FHOD3: variants seen among roughly 807,000 people sequenced by gnomAD.
FHOD3 encodes FH1/FH2 domain-containing protein 3.
In FHOD3, 90 loss-of-function variants were observed where a neutral mutation model predicts 173.0. The ratio of observed to expected loss-of-function variants is 0.52; its 90% confidence interval spans 0.44 to 0.62. The LOEUF (loss-of-function observed/expected upper bound fraction) is 0.62, where lower values mean the gene tolerates loss of function less well. Ranked by LOEUF, FHOD3 falls within the 20% of genes least tolerant of loss-of-function variation. The pLI, the probability that FHOD3 is intolerant of heterozygous loss-of-function variation, is 0.00. For missense variants in FHOD3, 1,945 were observed against 2,034.7 expected (o/e 0.96, Z 0.85); for synonymous variants, 828 against 823.0 (o/e 1.01, Z -0.10).
chr18:36,397,237 G>A (rs2048596286), intron 3 of FHOD3, among the ~76,000 whole-genome samples: 2 of 152,162 alleles, frequency 1.3e-5, no homozygotes, highest in South Asian at 4.1e-4. Context: ...ATATCTGCTG[G>A]TTATTTTGGC....
At chr18:36,420,553 G>A (rs2049934049) in intron 3 of FHOD3, among the ~76,000 whole-genome samples, 1 of 152,196 alleles carries the variant, frequency 6.6e-6, no homozygotes, top group South Asian at 2.1e-4. Context: ...TTTGCATATG[G>A]CTAGCCCTTG....
intron 9 of FHOD3, among the ~76,000 whole-genome samples, chr18:36,622,138 A>G (rs1183301016): frequency 6.6e-6 from 1 of 152,234 alleles, no homozygotes. Context: ...AAATAGACTC[A>G]CAGAAGCAGA....
chr18:36,350,214 T>C (rs1424173626), intron 1 of FHOD3, among the ~76,000 whole-genome samples: 2 of 152,194 alleles, frequency 1.3e-5, no homozygotes, highest in Admixed American at 6.5e-5. Context: ...TATTGGTGTG[T>C]TTTATCCCAG....
chr18:36,718,771 T>C lies in FHOD3; in HGVS notation c.3417+56T>C. 2.6e-6 allele frequency: 4 copies of C among 1,555,048 alleles called. No individual in the cohort carries two copies. The South Asian group carries it at 3.7e-5, about 14-fold the overall frequency. ...TGGAAGTTGGGTAGGGCTGAAGAGA[T>C]TCGTTCTGTATAAAATACTATTTTG... On this transcript the variant is annotated intron_variant, in intron 19 of 28. Coordinates refer to ENST00000590592, the MANE Select transcript of FHOD3 (RefSeq NM_001281740.3).
chr18:36,772,010 A>G (rs981664954), intron 28 of FHOD3, among the ~76,000 whole-genome samples: 4 of 152,244 alleles, frequency 2.6e-5, no homozygotes, highest in Non-Finnish European at 5.9e-5. Context: ...ACTGGGCACA[A>G]TAACGCGGTC....
At chr18:36,624,513 A>G (rs1599925236) in intron 9 of FHOD3, among the ~76,000 whole-genome samples, 3 of 152,312 alleles carry the variant, frequency 2.0e-5, no homozygotes, top group African/African-American at 7.2e-5. Context: ...GATAAGGAGC[A>G]GAGCTGGGTG....
At chr18:36,355,190 G>T (rs941184783) in intron 1 of FHOD3, among the ~76,000 whole-genome samples, 4 of 152,076 alleles carry the variant, frequency 2.6e-5, no homozygotes, top group African/African-American at 9.7e-5. Flanking sequence ...TCAATCCATG[G>T]TCACAGCAGC....
At chr18:36,492,401 GA>G (rs976906445) in intron 3 of FHOD3, among the ~76,000 whole-genome samples, 2 of 151,978 alleles carry the variant, frequency 1.3e-5, no homozygotes, top group African/African-American at 4.8e-5. Context: ...AAATTTTATG[GA>G]AAAAAGTATT....
intron 3 of FHOD3, among the ~76,000 whole-genome samples, chr18:36,411,026 A>G (rs1001416966): frequency 2.6e-5 from 4 of 152,118 alleles, no homozygotes; most frequent in Non-Finnish European, 5.9e-5. Context: ...AATCTAATTT[A>G]CCCAGTTTTT....
intron 1 of FHOD3, among the ~76,000 whole-genome samples, chr18:36,321,783 G>A (rs1766562703): frequency 6.6e-6 from 1 of 152,162 alleles, no homozygotes; most frequent in Non-Finnish European, 1.5e-5. Flanking sequence ...AACAAGTGGT[G>A]AATATGCAGG....
chr18:36,499,542 G>T (rs777208745), intron 3 of FHOD3, among the ~76,000 whole-genome samples: 4 of 152,320 alleles, frequency 2.6e-5, no homozygotes, highest in Non-Finnish European at 5.9e-5. Flanking sequence ...TTTATTAGAA[G>T]TAGTATTAGC....
intron 3 of FHOD3, among the ~76,000 whole-genome samples, chr18:36,413,513 C>T (rs1286198560): frequency 6.6e-6 from 1 of 152,112 alleles, no homozygotes; most frequent in Middle Eastern, 3.2e-3. Flanking sequence ...CCTGGCATGA[C>T]CATGTCTGCT....
At chr18:36,532,168 C>T (rs936525540) in intron 5 of FHOD3, among the ~76,000 whole-genome samples, 3 of 152,098 alleles carry the variant, frequency 2.0e-5, no homozygotes, top group Non-Finnish European at 2.9e-5. Context: ...TCTCCATAAC[C>T]GTAATTTGGA....
intron 5 of FHOD3, among the ~76,000 whole-genome samples, chr18:36,533,213 G>T (rs2056858293): frequency 1.3e-5 from 2 of 152,250 alleles, no homozygotes; most frequent in South Asian, 2.1e-4. Flanking sequence ...TTCCTCATCT[G>T]CAAACCAGGC....
intron 3 of FHOD3, among the ~76,000 whole-genome samples, chr18:36,456,999 A>G (rs1347536168): frequency 6.6e-6 from 1 of 152,128 alleles, no homozygotes; most frequent in African/African-American, 2.4e-5. Context: ...GACCATGAAG[A>G]TGAAGCTTGG....
intron 9 of FHOD3, among the ~76,000 whole-genome samples, chr18:36,622,740 C>G (rs1195490707): frequency 1.3e-5 from 2 of 152,156 alleles, no homozygotes; most frequent in Non-Finnish European, 2.9e-5. Context: ...GGGTGAAAAG[C>G]CGTACTCTCC....
chr18:36,597,126 G>T (rs896579166), intron 7 of FHOD3, among the ~76,000 whole-genome samples: 1 of 152,164 alleles, frequency 6.6e-6, no homozygotes, highest in Admixed American at 6.5e-5. Context: ...AACGTCTCAT[G>T]ACCTGGGTTC....
intron 3 of FHOD3, among the ~76,000 whole-genome samples, chr18:36,423,670 C>T (rs2147120841): frequency 6.6e-6 from 1 of 152,252 alleles, no homozygotes; most frequent in South Asian, 2.1e-4. Flanking sequence ...ACAGTACACA[C>T]TTCTGAAGGT....
chr18:36,766,531 C>T (rs1232215348), intron 27 of FHOD3, among the ~76,000 whole-genome samples: 1 of 152,120 alleles, frequency 6.6e-6, no homozygotes. Context: ...CTGATGGCTA[C>T]AGTGTGGGTG....
Sources: allele counts gnomAD v4.1 joint callset (sites outside exome capture counted in the v4.1 genomes callset), GRCh38; gene constraint gnomAD v4.1.1; transcripts MANE v1.5; gene names NCBI Gene and HGNC (gene_info 2026-07-23, HGNC 2026-07-21).